Variants in SPATA13 observed in about 807,000 individuals in gnomAD.
The protein encoded by SPATA13 is spermatogenesis associated 13.
Under a neutral mutation model 104.0 loss-of-function variants are expected in SPATA13, and 50 were observed. The observed-to-expected ratio is 0.48, with a 90% CI of 0.38 to 0.61. The LOEUF (loss-of-function observed/expected upper bound fraction) is 0.61, where lower values mean the gene tolerates loss of function less well. Among genes scored for constraint, SPATA13 ranks in the 20% least tolerant of loss-of-function variants. SPATA13 has a pLI of 0.00. For missense variants in SPATA13, 1,524 were observed against 1,690.6 expected (o/e 0.90, Z 1.73); for synonymous variants, 606 against 667.5 (o/e 0.91, Z 1.42).
At position 24,153,939 on chromosome 13, in the gene SPATA13, T is replaced by C. The variant is rs147288489; in HGVS notation, c.-111-68880T>C. 2.2e-4 allele frequency among the ~76,000 whole-genome samples: 33 copies of C among 152,326 alleles called. 1 individual carries two copies. The highest frequency in any genetic ancestry group is 7.2e-4 in the African/African-American group (30 of 41,570). On this transcript the variant is annotated intron_variant, in intron 3 of 14. Transcript: ENST00000424834. ...ACCCTTTATCAAACAAGTGTTATCT[T>C]ATGAGGACATTTATGTATGTTCTCA...
At chr13:24,075,993 T>C (rs1879312279) in intron 3 of SPATA13, among the ~76,000 whole-genome samples, 1 of 152,230 alleles carries the variant, frequency 6.6e-6, no homozygotes. Flanking sequence ...TGGAAACACC[T>C]TCTGTTTCCA....
At chr13:24,069,839 G>A (rs1024133198) in intron 3 of SPATA13, among the ~76,000 whole-genome samples, 7 of 152,160 alleles carry the variant, frequency 4.6e-5, no homozygotes, top group Non-Finnish European at 1.0e-4. Flanking sequence ...GGCACTGACC[G>A]TTGTGACAGT....
intron 2 of SPATA13, among the ~76,000 whole-genome samples, chr13:24,238,808 A>G (rs1872695815): frequency 6.6e-6 from 1 of 152,216 alleles, no homozygotes; most frequent in African/African-American, 2.4e-5. Flanking sequence ...TTTCATCTGT[A>G]ATTCTTTAAC....
In SPATA13 at chr13:24,233,886, A is replaced by AACAC. The variant is rs10571334; in HGVS notation, c.1653+9343_1653+9346dup. ...CAGGCTACAGAACTTTATACACTTA[A>AACAC]ACACACACACACACACACACACACA... On this transcript the variant is annotated intron_variant, in intron 2 of 12. Transcript: ENST00000382108. Among the ~76,000 whole-genome samples, 647 of 147,670 alleles carry AACAC rather than the reference A, an allele frequency of 4.4e-3. 2 individuals carry two copies. The highest frequency in any genetic ancestry group is 6.5e-3 in the Non-Finnish European group (431 of 66,802).
chr13:24,038,823 TC>T (rs1168315852), intron 3 of SPATA13, among the ~76,000 whole-genome samples: 1 of 152,142 alleles, frequency 6.6e-6, no homozygotes, highest in East Asian at 1.9e-4. Flanking sequence ...AAGCACAACA[TC>T]AAAAAATTGG....
chr13:24,018,675 G>A (rs759214388), intron 3 of SPATA13, among the ~76,000 whole-genome samples: 1 of 152,134 alleles, frequency 6.6e-6, no homozygotes, highest in Non-Finnish European at 1.5e-5. Flanking sequence ...TTATTGATCT[G>A]CACCATAGGC....
intron 3 of SPATA13, among the ~76,000 whole-genome samples, chr13:24,072,763 C>A (rs963723580): frequency 6.6e-6 from 1 of 151,042 alleles, no homozygotes. Flanking sequence ...CCTCCCTCGG[C>A]ATCGCTTTTT....
chr13:24,002,523 G>C (rs745878225), intron 2 of SPATA13, among the ~76,000 whole-genome samples: 4 of 152,166 alleles, frequency 2.6e-5, no homozygotes, highest in Non-Finnish European at 5.9e-5. Flanking sequence ...GGAAACACCA[G>C]ATCGGCCTCA....
Position 24,205,321 on chromosome 13 carries a change from T to C in SPATA13, c.-111-17498T>C, listed in dbSNP as rs1870642914. 6.6e-6 allele frequency among the ~76,000 whole-genome samples: 1 copy of C among 152,118 alleles called. No individual in the cohort carries two copies. Among genetic ancestry groups the C allele is most frequent in the African/African-American group, 2.4e-5 (1 of 41,420 alleles). On this transcript the variant is annotated intron_variant, in intron 1 of 12. Coordinates refer to ENST00000382108, the MANE Select transcript of SPATA13 (RefSeq NM_001166271.3). The surrounding 1 kb of genome is among the most constrained non-coding windows in gnomAD (Gnocchi z 4.1). ...AGTGGGCAAGCAGAAAGCCAAGCCA[T>C]GAAAGAATTTCCATTTACAATTGCC...
intron 3 of SPATA13, among the ~76,000 whole-genome samples, chr13:24,041,225 G>A (rs1453676131): frequency 1.3e-5 from 2 of 152,266 alleles, no homozygotes; most frequent in African/African-American, 4.8e-5. Flanking sequence ...AATAAAAGGT[G>A]GTGACATGTT....
rs540928191 is a variant in SPATA13 at position 23,983,294 on chromosome 13, C to T, written c.-353-433C>T. Among the ~76,000 whole-genome samples the T allele has an allele frequency of 2.0e-5, 3 of 152,308 alleles. No homozygotes were observed. The East Asian group carries it at 5.8e-4, about 29-fold the overall frequency. The stretch of plus-strand genomic sequence containing the variant: ...CAACTGCCTTCTTACTGCGTCTTCA[C>T]GTGGTCATCCTTCTATATTGTCTGT... On this transcript the variant is annotated intron_variant, in intron 1 of 14. Coordinates refer to the SPATA13 transcript ENST00000424834.
At chr13:24,293,022 A>AAATG (rs35053977) in intron 9 of SPATA13, among the ~76,000 whole-genome samples, 1 of 134,818 alleles carries the variant, frequency 7.4e-6, no homozygotes, top group African/African-American at 2.7e-5. Context: ...AAAAAAAAAA[A>AAATG]GGCGAGGGTG....
intron 12 of SPATA13, among the ~76,000 whole-genome samples, chr13:24,302,222 C>T (rs552524246): frequency 6.6e-6 from 1 of 152,208 alleles, no homozygotes; most frequent in South Asian, 2.1e-4. Flanking sequence ...ACGCTCCACA[C>T]GGAGTACCTG....
intron 2 of SPATA13, among the ~76,000 whole-genome samples, chr13:24,246,655 C>T (rs1030035170): frequency 4.6e-5 from 7 of 152,024 alleles, no homozygotes; most frequent in East Asian, 1.9e-4. Context: ...GTCAGGAGTT[C>T]GAGACCATTC....
intron 3 of SPATA13, among the ~76,000 whole-genome samples, chr13:24,081,761 C>T (rs182749070): frequency 3.2e-4 from 48 of 152,294 alleles, no homozygotes; most frequent in Admixed American, 2.7e-3. Flanking sequence ...CTGGATGTTG[C>T]TGGCAGTCCT....
intron 1 of SPATA13, among the ~76,000 whole-genome samples, chr13:24,186,342 A>T (rs952489494): frequency 1.3e-5 from 2 of 152,182 alleles, no homozygotes; most frequent in Non-Finnish European, 2.9e-5. Context: ...GCAATTAGGG[A>T]TTAATAGTAT....
intron 3 of SPATA13, among the ~76,000 whole-genome samples, chr13:24,112,172 C>A (rs541954136): frequency 1.3e-5 from 2 of 152,334 alleles, no homozygotes; most frequent in African/African-American, 2.4e-5. Context: ...TTCTGCCCCC[C>A]ATTCCTTCTT....
At chr13:24,003,172 G>GGTGT (rs149786152) in intron 2 of SPATA13, among the ~76,000 whole-genome samples, 2 of 151,022 alleles carry the variant, frequency 1.3e-5, no homozygotes, top group African/African-American at 2.4e-5. Flanking sequence ...TAAATGCAGG[G>GGTGT]GTGTGTGTGT....
intron 1 of SPATA13, among the ~76,000 whole-genome samples, chr13:24,209,595 G>T (rs1439677312): frequency 6.6e-6 from 1 of 152,144 alleles, no homozygotes; most frequent in African/African-American, 2.4e-5. Flanking sequence ...CAAATGACAG[G>T]ACATCCTTTT....
Sources: allele counts gnomAD v4.1 joint callset (sites outside exome capture counted in the v4.1 genomes callset), GRCh38; gene constraint gnomAD v4.1.1; non-coding constraint Gnocchi (gnomAD v3.1); transcripts MANE v1.5; gene names NCBI Gene and HGNC (gene_info 2026-07-23, HGNC 2026-07-21).